Variants in SYBU observed in about 807,000 individuals in gnomAD.
SYBU encodes the protein GOLSYN A protein.
Under a neutral mutation model 35.9 loss-of-function variants are expected in SYBU, and 21 were observed. That is an observed-to-expected ratio of 0.58 (90% CI 0.41 to 0.84). The LOEUF (loss-of-function observed/expected upper bound fraction) is 0.84. SYBU is among the 40% of genes least tolerant of loss of function. The probability of loss-of-function intolerance (pLI) is 0.00; values close to 1 mark genes in which losing one functional copy is unlikely to be tolerated. For synonymous variants in SYBU, 319 were observed against 324.3 expected, an observed-to-expected ratio of 0.98 and a Z score of 0.18; for missense variants, 768 against 848.2, an observed-to-expected ratio of 0.91 and a Z score of 1.17.
At chr8:109,576,168 G>T (rs1339779720) in intron 6 of SYBU, among the ~76,000 whole-genome samples, 155 bp from the exon 7 acceptor site, 1 of 151,536 alleles carries the variant, frequency 6.6e-6, no homozygotes, top group African/African-American at 2.4e-5. Flanking sequence ...AGTTTTCAAT[G>T]CAGGGAACTC....
chr8:109,626,567 C>A (rs889573689), intron 2 of SYBU, among the ~76,000 whole-genome samples: 2 of 152,114 alleles, frequency 1.3e-5, no homozygotes, highest in Non-Finnish European at 2.9e-5. Flanking sequence ...TGTGCATGTG[C>A]GTATCATAAA....
At chr8:109,604,536 C>T (rs1825869234) in intron 3 of SYBU, among the ~76,000 whole-genome samples, 1 of 152,102 alleles carries the variant, frequency 6.6e-6, no homozygotes, top group African/African-American at 2.4e-5. Context: ...AGTAGCATTA[C>T]CAGGTTCAGT....
chr8:109,581,342 G>GCA (rs1179481576), intron 4 of SYBU, among the ~76,000 whole-genome samples: 7 of 151,994 alleles, frequency 4.6e-5, no homozygotes, highest in South Asian at 2.1e-4. Flanking sequence ...ACACACACAT[G>GCA]CACACACACA....
intron 3 of SYBU, among the ~76,000 whole-genome samples, chr8:109,607,402 C>T (rs953834013): frequency 5.9e-5 from 9 of 152,134 alleles, no homozygotes; most frequent in African/African-American, 1.9e-4. Flanking sequence ...ATTCCCTTTC[C>T]TAATCACACG....
chr8:109,582,597 C>G (rs995287706), intron 4 of SYBU, among the ~76,000 whole-genome samples: 1 of 152,128 alleles, frequency 6.6e-6, no homozygotes, highest in African/African-American at 2.4e-5. Flanking sequence ...TCATGAGTGA[C>G]TCAGGTGAAT....
chr8:109,578,237 C>T (rs1038997126), intron 5 of SYBU, among the ~76,000 whole-genome samples: 59 of 152,224 alleles, frequency 3.9e-4, no homozygotes, highest in African/African-American at 1.4e-3. Flanking sequence ...ATAAAAGGAA[C>T]CCCAGAGAGC....
chr8:109,582,306 C>T (rs145681391), intron 4 of SYBU, among the ~76,000 whole-genome samples: 2 of 152,148 alleles, frequency 1.3e-5, no homozygotes, highest in South Asian at 4.1e-4. Flanking sequence ...AATATCAGTT[C>T]TCTTCATTTA....
intron 1 of SYBU, among the ~76,000 whole-genome samples, chr8:109,690,145 T>C (rs545552708): frequency 1.3e-5 from 2 of 152,330 alleles, no homozygotes; most frequent in South Asian, 4.1e-4. Flanking sequence ...AAAATAGTAC[T>C]ATTGTAAAAT....
intron 2 of SYBU, among the ~76,000 whole-genome samples, chr8:109,621,162 C>T (rs1812361140): frequency 6.6e-6 from 1 of 152,168 alleles, no homozygotes; most frequent in African/African-American, 2.4e-5. Flanking sequence ...TAAAATTAAA[C>T]AATTTCCAGC....
At chr8:109,611,699 C>T (rs1280846372) in intron 3 of SYBU, among the ~76,000 whole-genome samples, 1 of 152,178 alleles carries the variant, frequency 6.6e-6, no homozygotes, top group Non-Finnish European at 1.5e-5. Flanking sequence ...GCACATAAGA[C>T]ATTTTGACAT....
At chr8:109,599,895 G>A (rs1351672946) in intron 3 of SYBU, among the ~76,000 whole-genome samples, 3 of 152,170 alleles carry the variant, frequency 2.0e-5, no homozygotes, top group Non-Finnish European at 4.4e-5. Context: ...AGGCACGATA[G>A]CCTCTAGACT....
chr8:109,574,915 G>C lies in SYBU; in HGVS notation c.1983C>G (p.Ile661Met), dbSNP rs1304830985. The C allele has an allele frequency of 6.6e-7, 1 of 1,514,066 alleles. No individual in the cohort carries two copies. The highest frequency in any genetic ancestry group is 2.3e-5 in the Admixed American group (1 of 44,050). 93.8% of individuals were successfully genotyped at this position (1,514,066 alleles called of 1,614,324 possible). The change falls in exon 7 of 7, where the codon ATC becomes ATG. Residue 661 changes from isoleucine to methionine, a missense_variant. By Grantham distance (10) the Ile-to-Met change is conservative. Transcript: ENST00000276646. ...LHSLRRTAFR[I>M]KT Reference sequence around the variant, plus strand: ...TAACAACAACTTCTATTTAGGTTTTGATACGGAAGGCGGTGCGGCGGAGCG... The same window carrying C: ...TAACAACAACTTCTATTTAGGTTTTCATACGGAAGGCGGTGCGGCGGAGCG...
At chr8:109,664,201 A>G (rs36097362) in intron 1 of SYBU, among the ~76,000 whole-genome samples, 3 of 152,326 alleles carry the variant, frequency 2.0e-5, no homozygotes, top group East Asian at 3.9e-4. Flanking sequence ...GGCCCATGAC[A>G]TGATTTCTCT....
chr8:109,626,547 T>C (rs563303539), intron 2 of SYBU, among the ~76,000 whole-genome samples: 1 of 152,334 alleles, frequency 6.6e-6, no homozygotes, highest in East Asian at 1.9e-4. Context: ...AAATATTAGA[T>C]TGCCCAAAGT....
chr8:109,591,345 G>A (rs1046280403), intron 3 of SYBU, among the ~76,000 whole-genome samples: 1 of 152,036 alleles, frequency 6.6e-6, no homozygotes, highest in African/African-American at 2.4e-5. Flanking sequence ...TGTCTCTTGG[G>A]AACAGGAAAG....
At chr8:109,656,218 C>T (rs945604016) in intron 1 of SYBU, among the ~76,000 whole-genome samples, 1 of 152,178 alleles carries the variant, frequency 6.6e-6, no homozygotes, top group African/African-American at 2.4e-5. Flanking sequence ...TGCAAACCTG[C>T]TTTAAATATA....
chr8:109,683,416 G>A (rs146383895), upstream of SYBU, among the ~76,000 whole-genome samples: 15 of 152,342 alleles, frequency 9.8e-5, no homozygotes, highest in African/African-American at 2.9e-4. Flanking sequence ...TTTGAACTTG[G>A]ATGGGACTTG....
intron 1 of SYBU, among the ~76,000 whole-genome samples, chr8:109,659,949 A>G (rs1816501259): frequency 6.6e-6 from 1 of 152,192 alleles, no homozygotes. Context: ...AAAAAAGAAC[A>G]AAAATGTTTG....
At chr8:109,657,030 T>C (rs1816381751) in intron 1 of SYBU, among the ~76,000 whole-genome samples, 1 of 152,146 alleles carries the variant, frequency 6.6e-6, no homozygotes, top group Middle Eastern at 3.2e-3. Context: ...TATTTATTAA[T>C]ACAGGACAAG....
Sources: gnomAD v4.1 joint callset for allele counts (sites outside exome capture counted in the v4.1 genomes callset) on GRCh38, gnomAD v4.1.1 for gene constraint, MANE v1.5 for transcripts, NCBI Gene and HGNC (gene_info 2026-07-23, HGNC 2026-07-21) for gene names.